DOCK2: variants seen among roughly 807,000 people sequenced by gnomAD.
The protein encoded by DOCK2 is dedicator of cytokinesis protein 2.
DOCK2 carries 87 observed loss-of-function variants against 248.9 expected under a neutral mutation model. The observed-to-expected ratio is 0.35, with a 90% confidence interval of 0.29 to 0.42. The LOEUF is 0.42. Among genes scored for constraint, DOCK2 ranks in the 10% least tolerant of loss-of-function variants. DOCK2 has a pLI of 1.00. For missense variants in DOCK2, 1,747 were observed against 2,300.2 expected (o/e 0.76, Z 4.92); for synonymous variants, 805 against 821.6 (o/e 0.98, Z 0.35).
intron 28 of DOCK2, among the ~76,000 whole-genome samples, chr5:169,984,948 C>A (rs1778028171): frequency 6.6e-6 from 1 of 152,156 alleles, no homozygotes; most frequent in Non-Finnish European, 1.5e-5. Flanking sequence ...GAGACAGAAT[C>A]TCGCTCTGTC....
At position 170,067,245 on chromosome 5, in the gene DOCK2, T is replaced by C. The variant is rs544308661; in HGVS notation, c.4468-265T>C. Among the ~76,000 whole-genome samples the C allele has an allele frequency of 1.2e-3, 178 of 147,364 alleles. 1 individual carries two copies. Among genetic ancestry groups the C allele is most frequent in the African/African-American group, 4.3e-3 (165 of 38,602 alleles). ...CAGATAATAAGAAGAGAAAACCTTC[T>C]CTGGGGCACACTCAGCAGGTACCTG... On this transcript the variant is annotated intron_variant, in intron 44 of 51. Coordinates refer to ENST00000520908, the MANE Select transcript of DOCK2 (RefSeq NM_004946.3).
intron 27 of DOCK2, among the ~76,000 whole-genome samples, chr5:169,903,534 G>A (rs926187826): frequency 1.3e-5 from 2 of 151,600 alleles, no homozygotes; most frequent in African/African-American, 2.4e-5. Flanking sequence ...GGGGCCGGGG[G>A]GCAGGGGGCG....
intron 23 of DOCK2, among the ~76,000 whole-genome samples, chr5:169,754,713 C>T (rs1011299318): frequency 2.1e-4 from 32 of 152,086 alleles, no homozygotes; most frequent in African/African-American, 7.7e-4. Flanking sequence ...GCCAGCAGGA[C>T]AGAGCTGGGT....
At chr5:169,767,239 G>GACAAAAAAAAAAAAAA in intron 25 of DOCK2, among the ~76,000 whole-genome samples, 1 of 152,152 alleles carries the variant, frequency 6.6e-6, no homozygotes, top group African/African-American at 2.4e-5. Context: ...TAATGGGGTT[G>GACAAAAAAAAAAAAAA]TTGTTTTTGC....
chr5:169,693,783 TA>T (rs1375322951), intron 9 of DOCK2, among the ~76,000 whole-genome samples: 1 of 152,136 alleles, frequency 6.6e-6, no homozygotes, highest in Non-Finnish European at 1.5e-5. Flanking sequence ...TTTGCGATCC[TA>T]AAGGCAGGCT....
intron 29 of DOCK2, among the ~76,000 whole-genome samples, chr5:169,992,743 G>A (rs1000365711): frequency 5.3e-5 from 8 of 151,916 alleles, no homozygotes; most frequent in African/African-American, 1.7e-4. Flanking sequence ...GATTATAGGC[G>A]TGAGCCACCG....
At chr5:169,943,228 G>C (rs1242226441) in intron 27 of DOCK2, among the ~76,000 whole-genome samples, 1 of 152,120 alleles carries the variant, frequency 6.6e-6, no homozygotes, top group Non-Finnish European at 1.5e-5. Flanking sequence ...GGATGAATAG[G>C]TTTTAAAATA....
intron 22 of DOCK2, among the ~76,000 whole-genome samples, chr5:169,743,930 A>T (rs1763466032): frequency 6.7e-6 from 1 of 149,182 alleles, no homozygotes; most frequent in Admixed American, 6.7e-5. Flanking sequence ...GATTTATATT[A>T]TTATATATAT....
intron 44 of DOCK2, among the ~76,000 whole-genome samples, chr5:170,061,466 G>C (rs1217499081): frequency 6.6e-6 from 1 of 152,230 alleles, no homozygotes; most frequent in South Asian, 2.1e-4. Context: ...TGGCACATAG[G>C]AGGCAATTGA....
At chr5:170,049,735 C>T (rs1392723897) in intron 40 of DOCK2, among the ~76,000 whole-genome samples, 4 of 152,170 alleles carry the variant, frequency 2.6e-5, no homozygotes, top group East Asian at 1.9e-4. Flanking sequence ...CAGATACTGC[C>T]GATGTCCCTT....
At chr5:169,851,142 A>G (rs1194127256) in intron 27 of DOCK2, among the ~76,000 whole-genome samples, 1 of 152,272 alleles carries the variant, frequency 6.6e-6, no homozygotes. Flanking sequence ...AAGCTATGGC[A>G]GTAAATTAAT....
At chr5:169,737,873 G>A (rs142814423) in intron 22 of DOCK2, among the ~76,000 whole-genome samples, 1 of 152,290 alleles carries the variant, frequency 6.6e-6, no homozygotes, top group East Asian at 1.9e-4. Flanking sequence ...TGAGTTCTGT[G>A]AGCAGCTCTA....
intron 44 of DOCK2, among the ~76,000 whole-genome samples, chr5:170,058,939 CATT>C (rs1443533168): frequency 6.6e-6 from 1 of 152,130 alleles, no homozygotes; most frequent in Non-Finnish European, 1.5e-5. Context: ...TAGCAAAAAA[CATT>C]GTTTTGAGTA....
chr5:169,897,191 G>GCT (rs1187718035), intron 27 of DOCK2, among the ~76,000 whole-genome samples: 6 of 152,066 alleles, frequency 3.9e-5, no homozygotes, highest in African/African-American at 1.4e-4. Flanking sequence ...AGAAATGTGA[G>GCT]CTCTTTTTTT....
chr5:169,972,136 C>T (rs955130932), intron 27 of DOCK2, among the ~76,000 whole-genome samples: 1 of 152,118 alleles, frequency 6.6e-6, no homozygotes, highest in Non-Finnish European at 1.5e-5. Flanking sequence ...CTAAGATGTC[C>T]TTTCCCATTC....
intron 32 of DOCK2, among the ~76,000 whole-genome samples, chr5:170,012,284 C>T (rs761388202): frequency 6.1e-5 from 9 of 147,540 alleles, no homozygotes; most frequent in South Asian, 2.1e-4. Context: ...CAACGATCTA[C>T]GTTTTTTCAA....
intron 39 of DOCK2, among the ~76,000 whole-genome samples, chr5:170,046,769 TACAC>T (rs58071736): frequency 3.7e-4 from 55 of 148,826 alleles, no homozygotes; most frequent in South Asian, 1.3e-3. Context: ...CACACACACA[TACAC>T]ACACACACAC....
At chr5:170,073,904 C>T (rs563036134) in intron 46 of DOCK2, among the ~76,000 whole-genome samples, 3 of 152,172 alleles carry the variant, frequency 2.0e-5, no homozygotes, top group African/African-American at 4.8e-5. Flanking sequence ...CTCTGTTGAT[C>T]CTCTCTGTTG....
intron 27 of DOCK2, among the ~76,000 whole-genome samples, chr5:169,907,776 C>A (rs555390260): frequency 1.3e-4 from 20 of 152,274 alleles, no homozygotes; most frequent in Middle Eastern, 6.8e-3. Context: ...ACTCTGCAAC[C>A]TTACAGGGAC....
Sources: gnomAD v4.1 joint callset for allele counts (sites outside exome capture counted in the v4.1 genomes callset) on GRCh38, gnomAD v4.1.1 for gene constraint, MANE v1.5 for transcripts, NCBI Gene and HGNC (gene_info 2026-07-23, HGNC 2026-07-21) for gene names.